CHD8: variants seen among roughly 807,000 people sequenced by gnomAD.
CHD8 encodes ATP-dependent chromatin remodeler CHD8.
In CHD8, 31 loss-of-function variants were observed where a neutral mutation model predicts 279.2. The observed-to-expected ratio is 0.11, with a 90% CI of 0.08 to 0.15. The LOEUF is 0.15. Ranked by LOEUF, CHD8 falls within the 10% of genes least tolerant of loss-of-function variation. The pLI is 1.00. For missense variants in CHD8, 2,146 were observed against 3,230.5 expected, an observed-to-expected ratio of 0.66 and a Z score of 8.14; for synonymous variants, 1,081 against 1,139.6, an observed-to-expected ratio of 0.95 and a Z score of 1.04.
At chr14:21,411,703 A>G (rs1183490808) in intron 10 of CHD8, among the ~76,000 whole-genome samples, 1 of 152,232 alleles carries the variant, frequency 6.6e-6, no homozygotes, top group African/African-American at 2.4e-5. Context: ...GCCTAAAAAA[A>G]AATTAGAAGT....
At chr14:21,436,457 TA>T in intron 1 of CHD8, among the ~76,000 whole-genome samples, 1 of 152,206 alleles carries the variant, frequency 6.6e-6, no homozygotes, top group Non-Finnish European at 1.5e-5. Context: ...AAATGAAAAA[TA>T]AACATCCAAA....
At chr14:21,444,997 C>T (rs892031031) in intron 1 of CHD8, among the ~76,000 whole-genome samples, 11 of 152,150 alleles carry the variant, frequency 7.2e-5, no homozygotes, top group Non-Finnish European at 1.6e-4. Context: ...ACCACATGTG[C>T]ACATACACAA....
chr14:21,446,149 G>A (rs1036547267), intron 1 of CHD8, among the ~76,000 whole-genome samples: 5 of 152,106 alleles, frequency 3.3e-5, no homozygotes, highest in African/African-American at 7.2e-5. Context: ...ACAAGATCGC[G>A]CCACTGCACT....
chr14:21,388,682 C>T (rs1887390161), intron 37 of CHD8, among the ~76,000 whole-genome samples: 1 of 152,068 alleles, frequency 6.6e-6, no homozygotes, highest in African/African-American at 2.4e-5. Context: ...TAAGGTCCCA[C>T]TGGGGTCCCC....
Position 21,408,172 on chromosome 14 carries a change from T to C in CHD8, c.2730+140A>G. The C allele has an allele frequency of 1.0e-6, 1 of 998,330 alleles. No individual in the cohort carries two copies. Among genetic ancestry groups the C allele is most frequent in the East Asian group, 2.4e-5 (1 of 41,098 alleles). 61.8% of individuals were successfully genotyped at this position (998,330 alleles called of 1,614,324 possible). A position where few individuals can be genotyped will look rare whatever the true frequency, so the allele number is the denominator to read the frequency against. Reference sequence around the variant, plus strand: ...TGCCCTGCACACTGCTATACAAAAATGCCTTAAACCATAGGCATTTTTGCA... The same window carrying C: ...TGCCCTGCACACTGCTATACAAAAACGCCTTAAACCATAGGCATTTTTGCA... On this transcript the variant is annotated intron_variant, in intron 13 of 37. Transcript: ENST00000646647. The surrounding 1 kb of genome is among the most constrained non-coding windows in gnomAD (Gnocchi z 4.3).
chr14:21,409,786 T>C (rs1454376930), intron 11 of CHD8, 65 bp downstream of exon 11: 1 of 1,486,982 alleles, frequency 6.7e-7, no homozygotes, highest in Admixed American at 2.2e-5. Flanking sequence ...ACAAAAAATT[T>C]CATAGGGGAA....
At chr14:21,410,597 G>C (rs1432326316) in intron 10 of CHD8, among the ~76,000 whole-genome samples, 1 of 152,206 alleles carries the variant, frequency 6.6e-6, no homozygotes, top group African/African-American at 2.4e-5. Flanking sequence ...AGTTTATGTA[G>C]GTATTCCACT....
chr14:21,446,995 C>G (rs183873050), intron 1 of CHD8, among the ~76,000 whole-genome samples: 35 of 152,184 alleles, frequency 2.3e-4, no homozygotes, highest in Non-Finnish European at 3.5e-4. Flanking sequence ...AATGGGCATT[C>G]AATGTATTTT....
chr14:21,407,845 G>A (rs557324649), intron 13 of CHD8, among the ~76,000 whole-genome samples: 71 of 152,158 alleles, frequency 4.7e-4, no homozygotes, highest in African/African-American at 1.7e-3. Context: ...CCGGCCTCAG[G>A]TAATAAGCCC....
chr14:21,419,931 G>A (rs1888946700), intron 5 of CHD8: 1 of 233,970 alleles, frequency 4.3e-6, no homozygotes, highest in Admixed American at 5.3e-5. Context: ...GTCGGGCCGT[G>A]AGGAATCACA....
intron 21 of CHD8, 91 bp downstream of exon 21, chr14:21,401,311 AC>A (rs1254654398): frequency 7.5e-5 from 62 of 825,368 alleles, no homozygotes; most frequent in Non-Finnish European, 8.0e-5. Flanking sequence ...ATCATAAATC[AC>A]AATTAGCATC....
intron 1 of CHD8, among the ~76,000 whole-genome samples, chr14:21,433,938 A>G (rs1889665051): frequency 6.6e-6 from 1 of 152,080 alleles, no homozygotes; most frequent in Non-Finnish European, 1.5e-5. Context: ...GCTTTTTTCC[A>G]GTATACCTAC....
intron 1 of CHD8, among the ~76,000 whole-genome samples, chr14:21,445,342 C>A (rs1383405313): frequency 6.6e-6 from 1 of 152,032 alleles, no homozygotes; most frequent in Non-Finnish European, 1.5e-5. Flanking sequence ...GAGGCCGAGG[C>A]GGGTGGATCA....
rs1888117439 is a variant in CHD8, at chr14:21,403,392, C to T, written c.3518+61G>A. 2 of 1,395,894 alleles carry T rather than the reference C, an allele frequency of 1.4e-6. No homozygotes were observed. Among genetic ancestry groups the T allele is most frequent in the Non-Finnish European group, 2.0e-6 (2 of 1,002,906 alleles). The allele number at this position is 1,395,894 out of a possible 1,614,324, so 86.5% of individuals were successfully genotyped here. ...TGAACTCTAATTAAATCCAGGCCCT[C>T]CTACTTTTTGCTGCTTTATGAGGAC... On this transcript the variant is annotated intron_variant, in intron 17 of 37. Transcript: ENST00000646647. The surrounding 1 kb of genome is among the most constrained non-coding windows in gnomAD (Gnocchi z 4.3).
At chr14:21,445,925 AG>A (rs1890106283) in intron 1 of CHD8, among the ~76,000 whole-genome samples, 1 of 152,114 alleles carries the variant, frequency 6.6e-6, no homozygotes, top group African/African-American at 2.4e-5. Flanking sequence ...AGTTGAACCC[AG>A]GAGGTGAAGG....
intron 1 of CHD8, among the ~76,000 whole-genome samples, chr14:21,455,656 A>G (rs1035331513): frequency 6.6e-6 from 1 of 152,252 alleles, no homozygotes; most frequent in Non-Finnish European, 1.5e-5. Flanking sequence ...TTCTGAATCC[A>G]AAGTATGGAG....
chr14:21,389,001 C>T (rs1262569506), intron 37 of CHD8, among the ~76,000 whole-genome samples: 4 of 152,076 alleles, frequency 2.6e-5, no homozygotes. Flanking sequence ...TTTATGTATG[C>T]TTTAAAAATA....
At chr14:21,441,691 A>G (rs944267934) in intron 1 of CHD8, among the ~76,000 whole-genome samples, 1 of 152,022 alleles carries the variant, frequency 6.6e-6, no homozygotes, top group African/African-American at 2.4e-5. Flanking sequence ...GATGGAGACC[A>G]TCCTGGCTAA....
At chr14:21,439,255 CTTATT>C (rs1425168860) in intron 1 of CHD8, among the ~76,000 whole-genome samples, 2 of 152,174 alleles carry the variant, frequency 1.3e-5, no homozygotes, top group African/African-American at 4.8e-5. Flanking sequence ...CTTTAGATGT[CTTATT>C]TTTTAAAGAT....
Sources: gnomAD v4.1 joint callset for allele counts (sites outside exome capture counted in the v4.1 genomes callset) on GRCh38, gnomAD v4.1.1 for gene constraint, Gnocchi (gnomAD v3.1) non-coding constraint, MANE v1.5 for transcripts, NCBI Gene and HGNC (gene_info 2026-07-23, HGNC 2026-07-21) for gene names.